Variants in STAM observed in about 807,000 individuals in gnomAD.
The protein encoded by STAM is signal transducing adapter molecule 1.
STAM carries 16 observed loss-of-function variants against 63.4 expected under a neutral mutation model. The ratio of observed to expected loss-of-function variants is 0.25; its 90% confidence interval spans 0.17 to 0.38. STAM has a LOEUF of 0.38. Among genes scored for constraint, STAM ranks in the 10% least tolerant of loss-of-function variants. The pLI, the probability that STAM is intolerant of heterozygous loss-of-function variation, is 1.00. For synonymous variants in STAM, 238 were observed against 223.9 expected (o/e 1.06, Z -0.56); for missense variants, 636 against 657.1 (o/e 0.97, Z 0.35).
At chr10:17,704,617 A>G (rs1836171585) in intron 10 of STAM, 99 bp downstream of exon 10, 2 of 1,031,510 alleles carry the variant, frequency 1.9e-6, no homozygotes. Context: ...TTAAAAATGG[A>G]ACATTTCTCA....
At chr10:17,674,334 C>CA (rs2131610003) in intron 2 of STAM, among the ~76,000 whole-genome samples, 1 of 152,246 alleles carries the variant, frequency 6.6e-6, no homozygotes, top group East Asian at 1.9e-4. Context: ...TATTATATCT[C>CA]AAAGTTATGT....
In STAM at chr10:17,673,792, C is replaced by T. The variant is rs1834736328; in HGVS notation, c.126-10883C>T. Among the ~76,000 whole-genome samples the T allele has an allele frequency of 2.0e-5, 3 of 152,238 alleles. No homozygotes were observed. The South Asian group carries it at 6.2e-4, about 32-fold the overall frequency. ...GTGAGGTTCTCAGCACAGCATCTAA[C>T]ACAAAGCAGGCACTCCCTAAGCGTT... On this transcript the variant is annotated intron_variant, in intron 2 of 13. Coordinates refer to ENST00000377524, the MANE Select transcript of STAM (RefSeq NM_003473.4).
rs896429872 is a variant in STAM at position 17,714,966 on chromosome 10, C to T, written c.*186C>T. 3.3e-6 allele frequency: 2 copies of T among 601,642 alleles called. No individual in the cohort carries two copies. The highest frequency in any genetic ancestry group is 3.0e-5 in the Admixed American group (1 of 33,298). 37.3% of individuals were successfully genotyped at this position (601,642 alleles called of 1,614,324 possible). ...TGACTTTTTAGAGGTTCTTCCCCCCCCGCCCCTGCAGAGGAATGAAACTAC... is the reference window on the plus strand; with the variant it reads ...TGACTTTTTAGAGGTTCTTCCCCCCTCGCCCCTGCAGAGGAATGAAACTAC... On this transcript the variant is annotated 3_prime_UTR_variant, in exon 14 of 14. Coordinates refer to ENST00000377524, the MANE Select transcript of STAM (RefSeq NM_003473.4).
At chr10:17,660,761 C>A (rs1456639142) in intron 2 of STAM, among the ~76,000 whole-genome samples, 3 of 151,722 alleles carry the variant, frequency 2.0e-5, no homozygotes, top group African/African-American at 7.3e-5. Context: ...GACCCCGTCT[C>A]TTAAAAAAGA....
intron 9 of STAM, among the ~76,000 whole-genome samples, chr10:17,701,340 T>C (rs1357447484): frequency 2.0e-5 from 3 of 152,228 alleles, no homozygotes; most frequent in Non-Finnish European, 4.4e-5. Context: ...AAAATAACAT[T>C]AACAACTGTT....
intron 4 of STAM, 28 bp from the exon 5 acceptor site, chr10:17,687,996 GTGC>G (rs1564554483): frequency 1.3e-6 from 2 of 1,520,418 alleles, no homozygotes; most frequent in East Asian, 4.7e-5. Context: ...TAGGAAATTG[GTGC>G]TCTTTTATTT....
intron 5 of STAM, among the ~76,000 whole-genome samples, chr10:17,689,250 T>G (rs1183212566): frequency 6.6e-6 from 1 of 152,230 alleles, no homozygotes; most frequent in African/African-American, 2.4e-5. Context: ...CCCAGTTTAT[T>G]GACTGGGACA....
intron 2 of STAM, among the ~76,000 whole-genome samples, chr10:17,676,168 AGATT>A (rs1554824633): frequency 6.6e-6 from 1 of 152,178 alleles, no homozygotes; most frequent in African/African-American, 2.4e-5. Context: ...TTGTGTGTGA[AGATT>A]GATTGATTAA....
intron 1 of STAM, among the ~76,000 whole-genome samples, chr10:17,658,905 G>A (rs1231859493): frequency 6.6e-6 from 1 of 152,128 alleles, no homozygotes; most frequent in African/African-American, 2.4e-5. Context: ...TTTAATTGGT[G>A]TAGTATGCAG....
intron 6 of STAM, 192 bp from the exon 7 acceptor site, chr10:17,694,857 A>AT: frequency 2.1e-6 from 1 of 467,890 alleles, no homozygotes; most frequent in Non-Finnish European, 3.6e-6. Context: ...TTGTTAATTT[A>AT]TTTTTAAACT....
chr10:17,674,706 G>A (rs1834774550), intron 2 of STAM, among the ~76,000 whole-genome samples: 1 of 152,180 alleles, frequency 6.6e-6, no homozygotes. Flanking sequence ...CCAGGTTCAA[G>A]GGGAGGGTTG....
intron 2 of STAM, among the ~76,000 whole-genome samples, chr10:17,662,672 T>A (rs1165957350): frequency 2.0e-5 from 3 of 152,218 alleles, no homozygotes; most frequent in Non-Finnish European, 4.4e-5. Context: ...CATTTAGCTA[T>A]GTCATACTGG....
chr10:17,655,764 C>A (rs781983299), intron 1 of STAM, among the ~76,000 whole-genome samples: 1 of 152,084 alleles, frequency 6.6e-6, no homozygotes, highest in Non-Finnish European at 1.5e-5. Flanking sequence ...TTTCCACTGT[C>A]CCCCCAACCC....
chr10:17,684,645 A>G (rs1554825859), intron 2 of STAM, 30 bp from the exon 3 acceptor site: 2 of 1,585,264 alleles, frequency 1.3e-6, no homozygotes, highest in Non-Finnish European at 1.7e-6. Flanking sequence ...ATGTATTATT[A>G]AGTAATTTTT....
chr10:17,670,147 A>G (rs1257856094), intron 2 of STAM, among the ~76,000 whole-genome samples: 2 of 152,176 alleles, frequency 1.3e-5, no homozygotes, highest in South Asian at 2.1e-4. Context: ...GGATAACAAC[A>G]GAAGTCAAGT....
chr10:17,675,631 T>C (rs1165085374), intron 2 of STAM, among the ~76,000 whole-genome samples: 1 of 152,196 alleles, frequency 6.6e-6, no homozygotes, highest in East Asian at 1.9e-4. Context: ...TCACTTAAGT[T>C]TTAGAAAAAA....
chr10:17,674,705 A>AG (rs1237153156), intron 2 of STAM, among the ~76,000 whole-genome samples: 1 of 152,154 alleles, frequency 6.6e-6, no homozygotes, highest in Non-Finnish European at 1.5e-5. Flanking sequence ...TCCAGGTTCA[A>AG]GGGGAGGGTT....
chr10:17,665,477 T>C (rs897986281), intron 2 of STAM, among the ~76,000 whole-genome samples: 2 of 152,142 alleles, frequency 1.3e-5, no homozygotes, highest in African/African-American at 2.4e-5. Context: ...TCCCCCCATT[T>C]ACATGTAATA....
chr10:17,690,449 A>T (rs2131643921), intron 5 of STAM, among the ~76,000 whole-genome samples: 1 of 152,300 alleles, frequency 6.6e-6, no homozygotes, highest in East Asian at 1.9e-4. Context: ...GCTATATTTC[A>T]CCTACAAGAA....
Sources: allele counts gnomAD v4.1 joint callset (sites outside exome capture counted in the v4.1 genomes callset), GRCh38; gene constraint gnomAD v4.1.1; transcripts MANE v1.5; gene names NCBI Gene and HGNC (gene_info 2026-07-23, HGNC 2026-07-21).